The following GRIFIN variants were observed in gnomAD, a reference collection of about 807,000 sequenced individuals.
GRIFIN encodes the protein galectin-related inter-fiber protein, also known as putative grifin.
In GRIFIN, 22 loss-of-function variants were observed where a neutral mutation model predicts 18.2. That is an observed-to-expected ratio of 1.21 (90% confidence interval 0.86 to 1.73). The LOEUF (loss-of-function observed/expected upper bound fraction) is 1.73. Ranked by LOEUF, GRIFIN falls within the 40% of genes most tolerant of loss-of-function variation. The pLI is 0.00. For synonymous variants in GRIFIN, 101 were observed against 82.8 expected (o/e 1.22, Z -1.19); for missense variants, 200 against 190.1 (o/e 1.05, Z -0.31).
Position 2,476,354 on chromosome 7 carries a change from G to C in GRIFIN, c.12+18C>G, listed in dbSNP as rs1278591220. The C allele has an allele frequency of 3.8e-6, 6 of 1,572,986 alleles. No individual in the cohort carries two copies. The East Asian group carries it at 1.4e-4, about 36-fold the overall frequency. On this transcript the variant is annotated intron_variant, in intron 1 of 4. Coordinates refer to ENST00000614228, the MANE Select transcript of GRIFIN (RefSeq NM_001394787.1). ...GCCCTGCACCGTTCTCCTTCTCCAG[G>C]TCCAGGGTCTCACCCACCTGCACTG...
chr7:2,474,984 G>C, intron 4 of GRIFIN, 99 bp from the exon 5 acceptor site: 1 of 834,292 alleles, frequency 1.2e-6, no homozygotes, highest in Non-Finnish European at 1.8e-6. Flanking sequence ...CGGATATGCA[G>C]GGCTGGCAGG....
chr7:2,475,747 G>T lies in GRIFIN; in HGVS notation c.174C>A (p.Gly58=). The change falls in exon 3 of 5, where the codon GGC becomes GGA. Residue 58 remains glycine, a synonymous_variant. Coordinates refer to ENST00000614228, the MANE Select transcript of GRIFIN (RefSeq NM_001394787.1). ...CCCAGCGGCCGTACTGGAAGGCATT[G>T]CCCACCACAGTGGCGCTGGAGAACC... ...KPRFSSATVV[G]NAFQYGRWGP... 2 of 1,566,196 alleles carry T rather than the reference G, an allele frequency of 1.3e-6. No individual in the cohort carries two copies. Among genetic ancestry groups the T allele is most frequent in the Non-Finnish European group, 1.7e-6 (2 of 1,160,876 alleles).
rs1438092438 is a variant in GRIFIN at position 2,474,785 on chromosome 7, CCCTCA to C, written c.*80_*84del. On this transcript the variant is annotated 3_prime_UTR_variant, in exon 5 of 5. Transcript: ENST00000614228. ...CGAGGAGCACACAGGACCACAGACC[CCCTCA>C]CCCAGCTGCCCCAGGGTGGGACTCC... is the stretch of plus-strand genomic sequence containing the variant. 1 of 462,042 alleles carries C rather than the reference CCCTCA, an allele frequency of 2.2e-6. No individual in the cohort carries two copies. The highest frequency in any genetic ancestry group is 3.6e-5 in the Admixed American group (1 of 27,808). The allele number at this position is 462,042 out of a possible 1,614,324, so 28.6% of individuals were successfully genotyped here.
chr7:2,475,101 C>T, intron 4 of GRIFIN, 40 bp downstream of exon 4: 1 of 1,540,388 alleles, frequency 6.5e-7, no homozygotes, highest in Non-Finnish European at 8.7e-7. Context: ...CAGTGTGGGG[C>T]AGGAATGGGC....
At chr7:2,476,139 A>C (rs958865768) in intron 1 of GRIFIN, 140 bp from the exon 2 acceptor site, 69 of 838,580 alleles carry the variant, frequency 8.2e-5, no homozygotes, top group Non-Finnish European at 1.2e-4. Context: ...ACATAGGCTA[A>C]GGCTCTGTTC....
In GRIFIN at chr7:2,475,722, C is replaced by T. The variant is rs749596812; in HGVS notation, c.199G>A (p.Gly67Ser). The T allele has an allele frequency of 9.7e-6, 15 of 1,552,614 alleles. No homozygotes were observed. The African/African-American group carries it at 1.9e-4, about 20-fold the overall frequency. The change falls in exon 3 of 5, where the codon GGC becomes AGC. Residue 67 changes from glycine to serine, a missense_variant. Gly to Ser is a moderately conservative substitution (Grantham distance 56, BLOSUM62 0). Coordinates refer to ENST00000614228, the MANE Select transcript of GRIFIN (RefSeq NM_001394787.1). ...AAGATGCTAGACACCTGCTCCGGGC[C>T]CCAGCGGCCGTACTGGAAGGCATTG... Reference protein sequence around the residue: ...VGNAFQYGRWGPEQVSSIFPL... With the variant: ...VGNAFQYGRWSPEQVSSIFPL...
In GRIFIN at chr7:2,475,904, G is replaced by A. The variant is rs548307579; in HGVS notation, c.92+16C>T. The stretch of plus-strand genomic sequence containing the variant: ...CCCAGCCCAAGGCCCAGCGAGGGGA[G>A]GGCGGTGCCGCTGACCTGTCCTCTC... On this transcript the variant is annotated intron_variant, in intron 2 of 4. Coordinates refer to ENST00000614228, the MANE Select transcript of GRIFIN (RefSeq NM_001394787.1). 1.2e-4 allele frequency: 189 copies of A among 1,597,334 alleles called. No homozygotes were observed. The highest frequency in any genetic ancestry group is 1.8e-4 in the Admixed American group (11 of 59,910).
At chr7:2,475,849 G>T (rs1392086248) in intron 2 of GRIFIN, 21 bp from the exon 3 acceptor site, 1 of 1,580,546 alleles carries the variant, frequency 6.3e-7, no homozygotes, top group Non-Finnish European at 8.6e-7. Context: ...CATGGTGCGG[G>T]TCAAGAGCTG....
chr7:2,475,206 C>T lies in GRIFIN; in HGVS notation c.354G>A (p.Arg118=). 1 of 1,596,002 alleles carries T rather than the reference C, an allele frequency of 6.3e-7. No homozygotes were observed. The highest frequency in any genetic ancestry group is 1.7e-4 in the Middle Eastern group (1 of 5,948). ...CRQRPLGATT[R]VRVLSDHCLA... ...GGCAGTGGTCACTCAGCACGCGCAC[C>T]CTGGTGGTGGCGCCCAGCGGCCTCT... The change falls in exon 4 of 5, where the codon AGG becomes AGA. Residue 118 remains arginine (R), a synonymous_variant. Coordinates refer to ENST00000614228, the MANE Select transcript of GRIFIN (RefSeq NM_001394787.1).
At chr7:2,476,253 C>G in intron 1 of GRIFIN, 119 bp downstream of exon 1, 1 of 1,296,186 alleles carries the variant, frequency 7.7e-7, no homozygotes, top group South Asian at 1.3e-5. Context: ...CCTCTCAGCC[C>G]TGAGATCTGA....
Position 2,475,659 on chromosome 7 carries a change from C to A in GRIFIN, c.252+10G>T. ...CTGCCTAGCCCAGGCCCCACCCAGG[C>A]CCCTGTCACCTCAAAGGGCTCCCCC... On this transcript the variant is annotated intron_variant, in intron 3 of 4. Coordinates refer to ENST00000614228, the MANE Select transcript of GRIFIN (RefSeq NM_001394787.1). The A allele has an allele frequency of 1.3e-6, 2 of 1,482,966 alleles. No individual in the cohort carries two copies. Among genetic ancestry groups the A allele is most frequent in the African/African-American group, 2.8e-5 (2 of 71,498 alleles). 91.9% of individuals were successfully genotyped at this position (1,482,966 alleles called of 1,614,324 possible). A position where few individuals can be genotyped will look rare whatever the true frequency, so the allele number is the denominator to read the frequency against.
chr7:2,475,255 T>G lies in GRIFIN; in HGVS notation c.305A>C (p.Lys102Thr). 1 of 1,597,138 alleles carries G rather than the reference T, an allele frequency of 6.3e-7. No homozygotes were observed. The highest frequency in any genetic ancestry group is 1.1e-5 in the South Asian group (1 of 90,688). The change falls in exon 4 of 5, where the codon AAG becomes ACG. Residue 102 changes from lysine to threonine, a missense_variant. Transcript: ENST00000614228. ...EHFHVYAPEH[K>T]VLQFPCRQRP... ...CTGACGGCATGGGAACTGTAGCACCTTGTGCTCCGGGGCGTAGACGTGGAA... is the reference window on the plus strand; with the variant it reads ...CTGACGGCATGGGAACTGTAGCACCGTGTGCTCCGGGGCGTAGACGTGGAA...
chr7:2,475,405 A>G (rs1159868049), intron 3 of GRIFIN, 98 bp from the exon 4 acceptor site: 16 of 1,437,072 alleles, frequency 1.1e-5, no homozygotes, highest in African/African-American at 1.4e-5. Flanking sequence ...GTCTCCAGGA[A>G]GGACAGCCTG....
At chr7:2,475,106 A>G (rs1344426573) in intron 4 of GRIFIN, 35 bp downstream of exon 4, 1 of 1,547,190 alleles carries the variant, frequency 6.5e-7, no homozygotes, top group Non-Finnish European at 8.7e-7. Context: ...TGGGGCAGGA[A>G]TGGGCAGGGA....
At position 2,474,735 on chromosome 7, in the gene GRIFIN, T is replaced by C. The variant is rs1778925264; in HGVS notation, c.*135A>G. The stretch of plus-strand genomic sequence containing the variant: ...TAGCAGCCAAACGCCTGCAGCCTTC[T>C]CAGAGTTTATTGAAGGTGGAGCTGC... On this transcript the variant is annotated 3_prime_UTR_variant, in exon 5 of 5. Coordinates refer to ENST00000614228, the MANE Select transcript of GRIFIN (RefSeq NM_001394787.1). The C allele has an allele frequency of 1.5e-5, 6 of 407,952 alleles. No individual in the cohort carries two copies. The highest frequency in any genetic ancestry group is 2.2e-5 in the Non-Finnish European group (5 of 231,694). 25.3% of individuals were successfully genotyped at this position (407,952 alleles called of 1,614,324 possible).
At chr7:2,476,303 AGCACGGGTG>A in intron 1 of GRIFIN, 60 bp downstream of exon 1, 1 of 1,507,696 alleles carries the variant, frequency 6.6e-7, no homozygotes, top group South Asian at 1.2e-5. Flanking sequence ...GTGCAGAGAG[AGCACGGGTG>A]GCTCAGGGAG....
Position 2,476,063 on chromosome 7 carries a change from C to T in GRIFIN, c.13-64G>A, listed in dbSNP as rs1035777080. ...GCAGCCTCCTCCCTCCCACCCCCACCCCCACCCTATCCCATCTGTCCAGGA... is the reference window on the plus strand; with the variant it reads ...GCAGCCTCCTCCCTCCCACCCCCACTCCCACCCTATCCCATCTGTCCAGGA... On this transcript the variant is annotated intron_variant, in intron 1 of 4. Transcript: ENST00000614228. 5.9e-6 allele frequency: 8 copies of T among 1,345,032 alleles called. No homozygotes were observed. The African/African-American group carries it at 1.2e-4, about 19-fold the overall frequency. 83.3% of individuals were successfully genotyped at this position (1,345,032 alleles called of 1,614,324 possible). A position where few individuals can be genotyped will look rare whatever the true frequency, so the allele number is the denominator to read the frequency against.
intron 3 of GRIFIN, 57 bp from the exon 4 acceptor site, chr7:2,475,364 C>A: frequency 6.5e-7 from 1 of 1,529,992 alleles, no homozygotes; most frequent in Non-Finnish European, 8.8e-7. Context: ...GGGGTCTGGT[C>A]CCGCTTTTAA....
chr7:2,475,551 A>C, intron 3 of GRIFIN, 118 bp downstream of exon 3: 1 of 1,343,646 alleles, frequency 7.4e-7, no homozygotes. Context: ...GAGGCCACCC[A>C]GACCTTGCCC....
Sources: allele counts gnomAD v4.1 joint callset, GRCh38; gene constraint gnomAD v4.1.1; transcripts MANE v1.5; gene names NCBI Gene and HGNC (gene_info 2026-07-23, HGNC 2026-07-21).